The following AKAP13 variants were observed in gnomAD, a reference collection of about 807,000 sequenced individuals.
The protein encoded by AKAP13 is A-kinase anchoring protein 13, also known as A-kinase anchor protein 13.
A neutral mutation model predicts 264.5 loss-of-function variants in AKAP13; 80 were observed. The observed-to-expected ratio is 0.30, with a 90% CI of 0.25 to 0.36. The LOEUF (loss-of-function observed/expected upper bound fraction) is 0.36. Ranked by LOEUF, AKAP13 falls within the 10% of genes least tolerant of loss-of-function variation. The pLI, the probability that AKAP13 is intolerant of heterozygous loss-of-function variation, is 1.00. For synonymous variants in AKAP13, 1,380 were observed against 1,250.2 expected, an observed-to-expected ratio of 1.10 and a Z score of -2.19; for missense variants, 3,712 against 3,435.2, an observed-to-expected ratio of 1.08 and a Z score of -2.01.
At chr15:85,707,801 G>GA (rs35578911) in intron 17 of AKAP13, among the ~76,000 whole-genome samples, 33,647 of 146,250 alleles carry the variant, frequency 0.23, 3,841 homozygotes, top group East Asian at 0.36. Flanking sequence ...CACAAACACC[G>GA]AAAAAAAAAA....
intron 1 of AKAP13, among the ~76,000 whole-genome samples, chr15:85,400,460 A>C (rs1389220250): frequency 6.6e-6 from 1 of 152,172 alleles, no homozygotes; most frequent in Non-Finnish European, 1.5e-5. Context: ...ACAAATACGT[A>C]TAATCCACAT....
chr15:85,554,306 G>C (rs1013523111), intron 5 of AKAP13, among the ~76,000 whole-genome samples: 2 of 152,144 alleles, frequency 1.3e-5, no homozygotes, highest in Non-Finnish European at 2.9e-5. Context: ...TGTTTATAAA[G>C]TTCTTAGGAG....
chr15:85,738,569 TAA>T (rs1196243176), intron 33 of AKAP13, among the ~76,000 whole-genome samples: 1 of 152,070 alleles, frequency 6.6e-6, no homozygotes, highest in Non-Finnish European at 1.5e-5. Flanking sequence ...TAGCTACCGT[TAA>T]ATGTTTGGTG....
intron 4 of AKAP13, chr15:85,534,171 C>CA: frequency 4.8e-6 from 2 of 414,336 alleles, no homozygotes; most frequent in Non-Finnish European, 8.5e-6. Flanking sequence ...TAGAAAGTGA[C>CA]ATGCTCTTCA....
chr15:85,646,550 A>G (rs537832217), intron 10 of AKAP13, among the ~76,000 whole-genome samples: 1 of 152,280 alleles, frequency 6.6e-6, no homozygotes, highest in East Asian at 1.9e-4. Context: ...TTCCTTTAGA[A>G]TTAATTAAGT....
intron 1 of AKAP13, among the ~76,000 whole-genome samples, chr15:85,436,598 A>G (rs1333166706): frequency 1.8e-4 from 27 of 146,760 alleles, no homozygotes; most frequent in African/African-American, 5.8e-4. Flanking sequence ...GTAAAAGAAC[A>G]GAAATTATAA....
chr15:85,476,253 T>G (rs1001729509), intron 1 of AKAP13, among the ~76,000 whole-genome samples: 1 of 152,110 alleles, frequency 6.6e-6, no homozygotes, highest in African/African-American at 2.4e-5. Flanking sequence ...CCCTGAACAC[T>G]CTTTGGAGGC....
chr15:85,527,199 G>C (rs866921852), intron 3 of AKAP13, among the ~76,000 whole-genome samples: 1 of 152,112 alleles, frequency 6.6e-6, no homozygotes, highest in Non-Finnish European at 1.5e-5. Context: ...TCCTGACCTC[G>C]TGATCCGCCC....
chr15:85,683,025 A>C (rs576542481), intron 15 of AKAP13, among the ~76,000 whole-genome samples: 1 of 152,306 alleles, frequency 6.6e-6, no homozygotes, highest in Non-Finnish European at 1.5e-5. Context: ...TTTCATGCTT[A>C]TGAGATAGAA....
chr15:85,398,470 T>G (rs2071229250), intron 1 of AKAP13, among the ~76,000 whole-genome samples: 1 of 152,198 alleles, frequency 6.6e-6, no homozygotes, highest in Non-Finnish European at 1.5e-5. Context: ...ACAGCCCATA[T>G]GTGGACTAGC....
intron 8 of AKAP13, among the ~76,000 whole-genome samples, chr15:85,597,830 C>T (rs970294346): frequency 6.6e-6 from 1 of 152,032 alleles, no homozygotes; most frequent in Non-Finnish European, 1.5e-5. Flanking sequence ...TACCTACCAA[C>T]CCAGTAAGCC....
At chr15:85,504,524 AAAAAAAAAAAAG>A (rs1777066201) in intron 2 of AKAP13, among the ~76,000 whole-genome samples, 3 of 143,664 alleles carry the variant, frequency 2.1e-5, no homozygotes, top group Admixed American at 1.4e-4. Context: ...AAAAAAAAAA[AAAAAAAAAAAAG>A]AAAAAATTAG....
intron 10 of AKAP13, among the ~76,000 whole-genome samples, chr15:85,653,776 C>A (rs1273765145): frequency 6.6e-6 from 1 of 152,124 alleles, no homozygotes; most frequent in African/African-American, 2.4e-5. Flanking sequence ...CTGTTCCCTG[C>A]CCCCATCCCG....
At chr15:85,569,556 G>A (rs559241326) in intron 5 of AKAP13, among the ~76,000 whole-genome samples, 8 of 150,778 alleles carry the variant, frequency 5.3e-5, no homozygotes, top group Admixed American at 1.3e-4. Flanking sequence ...GGGTTCAGGC[G>A]ATTCTCCTGC....
At chr15:85,451,224 G>C (rs1424103345) in intron 1 of AKAP13, among the ~76,000 whole-genome samples, 1 of 152,082 alleles carries the variant, frequency 6.6e-6, no homozygotes, top group Non-Finnish European at 1.5e-5. Context: ...CCATTTGCTT[G>C]GTAGATTTTT....
intron 1 of AKAP13, among the ~76,000 whole-genome samples, chr15:85,458,393 G>GTTTTTTT (rs4037636): frequency 1.1e-3 from 130 of 120,306 alleles, no homozygotes; most frequent in African/African-American, 1.7e-3. Flanking sequence ...TTTGTTTTTT[G>GTTTTTTT]TTTTTTTTTT....
chr15:85,437,993 A>C (rs1011167741), intron 1 of AKAP13, among the ~76,000 whole-genome samples: 7 of 137,804 alleles, frequency 5.1e-5, no homozygotes, highest in Middle Eastern at 3.6e-3. Context: ...AAGGAAATAA[A>C]GGGTATTCAA....
At chr15:85,528,224 T>G (rs917679507) in intron 3 of AKAP13, among the ~76,000 whole-genome samples, 2 of 152,210 alleles carry the variant, frequency 1.3e-5, no homozygotes, top group African/African-American at 4.8e-5. Flanking sequence ...CCTCCTGACC[T>G]GCCAGCATAA....
chr15:85,619,978 A>G, intron 8 of AKAP13: 1 of 1,479,128 alleles, frequency 6.8e-7, no homozygotes, highest in Non-Finnish European at 8.9e-7. Context: ...TGGAAGGCAG[A>G]GATCTCCACC....
Sources: gnomAD v4.1 joint callset for allele counts (sites outside exome capture counted in the v4.1 genomes callset) on GRCh38, gnomAD v4.1.1 for gene constraint, MANE v1.5 for transcripts, NCBI Gene and HGNC (gene_info 2026-07-23, HGNC 2026-07-21) for gene names.